LIMS2: variants seen among roughly 807,000 people sequenced by gnomAD.
LIMS2 encodes LIM zinc finger domain containing 2.
LIMS2 carries 30 observed loss-of-function variants against 45.3 expected under a neutral mutation model. The observed-to-expected ratio is 0.66, with a 90% CI of 0.50 to 0.90. LIMS2 has a LOEUF of 0.90. Among genes scored for constraint, LIMS2 ranks in the 40% least tolerant of loss-of-function variants. LIMS2 has a pLI of 0.00. For missense variants in LIMS2, 485 were observed against 468.7 expected, an observed-to-expected ratio of 1.03 and a Z score of -0.32; for synonymous variants, 173 against 188.0, an observed-to-expected ratio of 0.92 and a Z score of 0.65.
rs1290026193 is a variant in LIMS2 at position 127,672,569 on chromosome 2, C to G, written c.11+2445G>C. On this transcript the variant is annotated intron_variant, in intron 1 of 9. Transcript: ENST00000355119. This position sits in a 1 kb window ranked among gnomAD's most constrained non-coding sequence, Gnocchi z 4.9. ...CTCTGTGGCCCACCTCACAGCCAGT[C>G]AGTTGGGTCCTGTCCACTCCACCTC... Among the ~76,000 whole-genome samples, 1 of 152,222 alleles carries G rather than the reference C, an allele frequency of 6.6e-6. No individual in the cohort carries two copies. Among genetic ancestry groups the G allele is most frequent in the African/African-American group, 2.4e-5 (1 of 41,446 alleles).
chr2:127,643,378 T>C (rs1682630140), intron 4 of LIMS2: 1 of 504,902 alleles, frequency 2.0e-6, no homozygotes. Context: ...ACAGTAGACA[T>C]TTAATTGATA....
chr2:127,651,405 C>T (rs146938879), intron 4 of LIMS2: 10 of 1,612,680 alleles, frequency 6.2e-6, no homozygotes, highest in Non-Finnish European at 6.8e-6. Context: ...GCAGGGCCTG[C>T]GTGTGGAGAA....
chr2:127,668,701 A>AC (rs1685145129), intron 1 of LIMS2, among the ~76,000 whole-genome samples: 1 of 122,946 alleles, frequency 8.1e-6, no homozygotes, highest in Non-Finnish European at 1.7e-5. Flanking sequence ...AAAAAAAAAA[A>AC]AAAAAAAAAA....
rs6755288 is a variant in LIMS2 at position 127,673,902 on chromosome 2, G to T, written c.11+1112C>A. 0.051 allele frequency: 33,971 copies of T among 666,538 alleles called. 2,031 individuals are homozygous for T. The highest frequency in any genetic ancestry group is 0.17 in the South Asian group (9,869 of 57,408). 41.3% of individuals were successfully genotyped at this position (666,538 alleles called of 1,614,324 possible). On this transcript the variant is annotated intron_variant, in intron 1 of 9. Coordinates refer to ENST00000355119, the MANE Select transcript of LIMS2 (RefSeq NM_001161403.3). ...AGTCCCTCCATCTCACTGCAGAGGGGCCTGGGCCAAGGCTTAGAGGTGACT... is the reference window on the plus strand; with the variant it reads ...AGTCCCTCCATCTCACTGCAGAGGGTCCTGGGCCAAGGCTTAGAGGTGACT...
chr2:127,655,892 T>A (rs1032993868), intron 2 of LIMS2: 5 of 152,098 alleles, frequency 3.3e-5, no homozygotes, highest in African/African-American at 1.2e-4. Flanking sequence ...CAAGCACAAG[T>A]GATGTTCTGG....
In LIMS2 at chr2:127,653,704, G is replaced by A. The variant is rs1471765958; in HGVS notation, c.359+720C>T. On this transcript the variant is annotated intron_variant, in intron 4 of 9. Coordinates refer to ENST00000355119, the MANE Select transcript of LIMS2 (RefSeq NM_001161403.3). The surrounding 1 kb of genome is among the most constrained non-coding windows in gnomAD (Gnocchi z 5.3). ...CACCTCAGCAGCTGTGGTGAGGGCT[G>A]CTGAGGGGTCAAGAGGAGGTGTGGG... Among the ~76,000 whole-genome samples, 1 of 152,092 alleles carries A rather than the reference G, an allele frequency of 6.6e-6. No homozygotes were observed.
intron 3 of LIMS2, 139 bp from the exon 4 acceptor site, chr2:127,654,683 G>A: frequency 7.4e-6 from 11 of 1,495,454 alleles, no homozygotes; most frequent in Non-Finnish European, 1.0e-5. Context: ...GATGCCTGTA[G>A]GGGGCCTGAC....
chr2:127,640,405 C>T (rs943095047), intron 7 of LIMS2, 87 bp from the exon 8 acceptor site: 20 of 1,408,334 alleles, frequency 1.4e-5, no homozygotes, highest in South Asian at 2.4e-5. Flanking sequence ...CCCTCCAACA[C>T]GGCCCCTCTC....
At chr2:127,674,645 G>C (rs1685423382) in intron 1 of LIMS2, 1 of 985,210 alleles carries the variant, frequency 1.0e-6, no homozygotes, top group Non-Finnish European at 1.2e-6. Flanking sequence ...GCACAGCGCG[G>C]GCTCGGGGAA....
At position 127,647,476 on chromosome 2, in the gene LIMS2, C is replaced by A. The variant is rs549602230; in HGVS notation, c.360-4404G>T. Among the ~76,000 whole-genome samples the A allele has an allele frequency of 2.0e-5, 3 of 152,184 alleles. No individual in the cohort carries two copies. The highest frequency in any genetic ancestry group is 2.1e-4 in the South Asian group (1 of 4,830). ...CTGGTTTGAGCCAGCACAGGCAGGC[C>A]CCCACCATGCCAGGCAGAGTGGTCA... On this transcript the variant is annotated intron_variant, in intron 4 of 9. Coordinates refer to ENST00000355119, the MANE Select transcript of LIMS2 (RefSeq NM_001161403.3). This position sits in a 1 kb window ranked among gnomAD's most constrained non-coding sequence, Gnocchi z 4.3.
At position 127,642,009 on chromosome 2, in the gene LIMS2, C is replaced by T. The variant is rs781043984; in HGVS notation, c.660+40G>A. On this transcript the variant is annotated intron_variant, in intron 6 of 9. Transcript: ENST00000355119. This position sits in a 1 kb window ranked among gnomAD's most constrained non-coding sequence, Gnocchi z 5.3. ...CTTACCATGACCCTGAGCTGGGGCA[C>T]CCCCCAACCTGAGGCCACGTGTCCA... 2 of 1,595,378 alleles carry T rather than the reference C, an allele frequency of 1.3e-6. No homozygotes were observed. Among genetic ancestry groups the T allele is most frequent in the Non-Finnish European group, 1.7e-6 (2 of 1,170,444 alleles).
chr2:127,669,477 G>A (rs1274641974), intron 1 of LIMS2, among the ~76,000 whole-genome samples: 1 of 152,202 alleles, frequency 6.6e-6, no homozygotes, highest in African/African-American at 2.4e-5. Flanking sequence ...ACTTTGGGAG[G>A]CTGAAGCGGG....
intron 4 of LIMS2, chr2:127,650,460 G>C (rs192602425): frequency 3.6e-6 from 2 of 552,692 alleles, no homozygotes; most frequent in East Asian, 6.0e-5. Flanking sequence ...AGATCTCCTG[G>C]GTGGCAGGGG....
intron 4 of LIMS2, 51 bp from the exon 5 acceptor site, chr2:127,643,123 G>A (rs1229577809): frequency 3.5e-5 from 54 of 1,528,166 alleles, no homozygotes; most frequent in Non-Finnish European, 4.6e-5. Context: ...CACACAGCCT[G>A]GCCACCTCCA....
chr2:127,640,498 G>A (rs757075191), intron 7 of LIMS2, 180 bp from the exon 8 acceptor site: 8 of 664,096 alleles, frequency 1.2e-5, no homozygotes, highest in Non-Finnish European at 2.1e-5. Context: ...CCACCCTTCC[G>A]GGAAGGACAA....
intron 4 of LIMS2, among the ~76,000 whole-genome samples, chr2:127,652,916 T>C (rs997850910): frequency 1.3e-5 from 2 of 152,242 alleles, no homozygotes; most frequent in African/African-American, 2.4e-5. Context: ...GTTTCCAGCA[T>C]CTTTCAGATT....
chr2:127,661,379 G>A (rs908119590), intron 1 of LIMS2, among the ~76,000 whole-genome samples: 1 of 152,274 alleles, frequency 6.6e-6, no homozygotes, highest in African/African-American at 2.4e-5. Flanking sequence ...AAGGAGAACT[G>A]TTGTTTTCCA....
At chr2:127,651,456 C>T in intron 4 of LIMS2, 1 of 1,612,952 alleles carries the variant, frequency 6.2e-7, no homozygotes, top group Non-Finnish European at 8.5e-7. Flanking sequence ...CGCCATAGTG[C>T]TGGCCATCTT....
intron 4 of LIMS2, among the ~76,000 whole-genome samples, chr2:127,643,821 C>T (rs748542241): frequency 3.3e-5 from 5 of 152,110 alleles, no homozygotes; most frequent in Non-Finnish European, 2.9e-5. Flanking sequence ...ACCTGCCACC[C>T]GAATCTCTCT....
Sources: allele counts gnomAD v4.1 joint callset (sites outside exome capture counted in the v4.1 genomes callset), GRCh38; gene constraint gnomAD v4.1.1; non-coding constraint Gnocchi (gnomAD v3.1); transcripts MANE v1.5; gene names NCBI Gene and HGNC (gene_info 2026-07-23, HGNC 2026-07-21).